The following ST18 variants were observed in gnomAD, a reference collection of about 807,000 sequenced individuals.
ST18 encodes the protein suppression of tumorigenicity 18 protein.
Under a neutral mutation model 110.0 loss-of-function variants are expected in ST18, and 50 were observed. The ratio of observed to expected loss-of-function variants is 0.45; its 90% CI spans 0.36 to 0.58. ST18 has a LOEUF of 0.58. ST18 is among the 20% of genes least tolerant of loss of function. ST18 has a pLI of 0.00. For missense variants in ST18, 1,306 were observed against 1,280.1 expected, an observed-to-expected ratio of 1.02 and a Z score of -0.31; for synonymous variants, 461 against 452.4, an observed-to-expected ratio of 1.02 and a Z score of -0.24.
chr8:52,312,898 G>A (rs2095947893), intron 2 of ST18, among the ~76,000 whole-genome samples: 1 of 152,182 alleles, frequency 6.6e-6, no homozygotes, highest in African/African-American at 2.4e-5. Context: ...AGGAAACAAT[G>A]CCAGCCCCTT....
rs1188071083 is a variant in ST18, at chr8:52,409,463, A to T, written c.-589-11T>A. ...AAATTTTATTATTTTCTAAAGAAGA[A>T]AAAAAATATGATGTGAAAATTATCA... is the stretch of plus-strand genomic sequence containing the variant. On this transcript the variant is annotated splice_polypyrimidine_tract_variant and intron_variant, in intron 1 of 25. Transcript: ENST00000689386. 1.3e-5 allele frequency: 2 copies of T among 152,158 alleles called. No homozygotes were observed. Among genetic ancestry groups the T allele is most frequent in the African/African-American group, 4.8e-5 (2 of 41,416 alleles). 9.4% of individuals were successfully genotyped at this position (152,158 alleles called of 1,614,324 possible). A position where few individuals can be genotyped will look rare whatever the true frequency, so the allele number is the denominator to read the frequency against.
chr8:52,398,094 T>A (rs1427966354), intron 2 of ST18, among the ~76,000 whole-genome samples: 1 of 152,166 alleles, frequency 6.6e-6, no homozygotes. Flanking sequence ...ATTTATACCT[T>A]CTTCAATTTC....
intron 16 of ST18, 146 bp downstream of exon 16, chr8:52,149,586 A>C: frequency 1.7e-6 from 2 of 1,201,322 alleles, no homozygotes; most frequent in Non-Finnish European, 2.2e-6. Context: ...GACATTAAAA[A>C]TCACCACTTT....
chr8:52,167,245 G>A (rs1478303035), intron 10 of ST18, among the ~76,000 whole-genome samples: 1 of 152,202 alleles, frequency 6.6e-6, no homozygotes, highest in Non-Finnish European at 1.5e-5. Flanking sequence ...AAGTCGTCAA[G>A]TCACATATTG....
At chr8:52,299,002 A>G (rs1013898005) in intron 2 of ST18, among the ~76,000 whole-genome samples, 13 of 150,588 alleles carry the variant, frequency 8.6e-5, no homozygotes, top group Non-Finnish European at 1.5e-4. Context: ...TTGTATTTTA[A>G]TTGGCTTTGG....
At chr8:52,151,432 A>G (rs1471883939) in intron 15 of ST18, among the ~76,000 whole-genome samples, 3 of 152,194 alleles carry the variant, frequency 2.0e-5, no homozygotes, top group African/African-American at 7.2e-5. Context: ...TTTTTAGTAA[A>G]TAGTTTAATC....
chr8:52,156,703 T>C (rs1304044785), intron 15 of ST18, among the ~76,000 whole-genome samples: 2 of 152,222 alleles, frequency 1.3e-5, no homozygotes, highest in East Asian at 1.9e-4. Context: ...CAGGACAGAA[T>C]TCTAGACATT....
chr8:52,263,270 A>G (rs933225339), intron 2 of ST18, among the ~76,000 whole-genome samples: 1 of 152,244 alleles, frequency 6.6e-6, no homozygotes, highest in African/African-American at 2.4e-5. Flanking sequence ...CCAGGTAGAT[A>G]TACAGATAGC....
At chr8:52,266,158 G>A (rs544476352) in intron 2 of ST18, among the ~76,000 whole-genome samples, 2 of 152,170 alleles carry the variant, frequency 1.3e-5, no homozygotes, top group African/African-American at 4.8e-5. Flanking sequence ...GGAATGGTAA[G>A]GTTGTCAAAA....
chr8:52,337,959 C>G (rs1812910988), intron 2 of ST18, among the ~76,000 whole-genome samples: 1 of 152,242 alleles, frequency 6.6e-6, no homozygotes, highest in Admixed American at 6.5e-5. Context: ...GTGACAATAT[C>G]TACCAGTTTA....
At chr8:52,314,230 T>C (rs1040754982) in intron 2 of ST18, among the ~76,000 whole-genome samples, 3 of 152,306 alleles carry the variant, frequency 2.0e-5, no homozygotes, top group Admixed American at 2.0e-4. Context: ...ATTGAGAACC[T>C]GCTCCAGAAA....
At chr8:52,149,265 T>C (rs1321610616) in intron 16 of ST18, among the ~76,000 whole-genome samples, 2 of 152,250 alleles carry the variant, frequency 1.3e-5, no homozygotes, top group African/African-American at 4.8e-5. Context: ...CCTTAAACAA[T>C]GAGTCTATAC....
chr8:52,316,771 T>G (rs2139823403), intron 2 of ST18, among the ~76,000 whole-genome samples: 1 of 152,352 alleles, frequency 6.6e-6, no homozygotes, highest in Non-Finnish European at 1.5e-5. Context: ...TCAGTGGTCA[T>G]GTGCTGTATG....
At position 52,192,858 on chromosome 8, in the gene ST18, C is replaced by T. The variant is rs77283047; in HGVS notation, c.87-12546G>A. ...CCTATTCAACTTTGAGCTCAGACTC[C>T]TTTTCTGTCACCTGGGTTCTTGTTG... On this transcript the variant is annotated intron_variant, in intron 8 of 25. Coordinates refer to ENST00000689386, the MANE Select transcript of ST18 (RefSeq NM_001352837.2). Among the ~76,000 whole-genome samples the T allele has an allele frequency of 3.4e-3, 525 of 152,278 alleles. 3 individuals are homozygous for T. The highest frequency in any genetic ancestry group is 0.024 in the Middle Eastern group (7 of 294).
chr8:52,204,056 T>C (rs1346255575), intron 8 of ST18, among the ~76,000 whole-genome samples: 3 of 152,190 alleles, frequency 2.0e-5, no homozygotes, highest in Non-Finnish European at 2.9e-5. Flanking sequence ...ACATGATGAA[T>C]GTTTAAGGAA....
At chr8:52,400,142 C>T (rs1027762486) in intron 2 of ST18, among the ~76,000 whole-genome samples, 1 of 151,990 alleles carries the variant, frequency 6.6e-6, no homozygotes, top group Non-Finnish European at 1.5e-5. Context: ...AATAGGTTAG[C>T]CCTTTTACCA....
chr8:52,402,170 C>T (rs1842986943), intron 2 of ST18, among the ~76,000 whole-genome samples: 1 of 152,094 alleles, frequency 6.6e-6, no homozygotes, highest in South Asian at 2.1e-4. Flanking sequence ...TAGGGGTTCT[C>T]CTGTTGTCAT....
chr8:52,369,777 T>C (rs1829575495), intron 2 of ST18, among the ~76,000 whole-genome samples: 1 of 152,210 alleles, frequency 6.6e-6, no homozygotes, highest in Non-Finnish European at 1.5e-5. Context: ...ATTAGTGGCC[T>C]TTTTCATTAA....
In ST18 at chr8:52,176,024, ACT is replaced by A. The variant is rs531763305; in HGVS notation, c.278-3443_278-3442del. On this transcript the variant is annotated intron_variant, in intron 9 of 25. Coordinates refer to ENST00000689386, the MANE Select transcript of ST18 (RefSeq NM_001352837.2). The stretch of plus-strand genomic sequence containing the variant: ...GTTACTAGAATGCAATTGTCAGCTA[ACT>A]CTTTTTTTTTTTTTAGACGGAGTCT... 4.0e-5 allele frequency among the ~76,000 whole-genome samples: 6 copies of A among 150,636 alleles called. No individual in the cohort carries two copies. In the South Asian group the frequency reaches 1.3e-3, roughly 32 times the overall value.
Sources: allele counts gnomAD v4.1 joint callset (sites outside exome capture counted in the v4.1 genomes callset), GRCh38; gene constraint gnomAD v4.1.1; transcripts MANE v1.5; gene names NCBI Gene and HGNC (gene_info 2026-07-23, HGNC 2026-07-21).